CAMKK2: variants seen among roughly 807,000 people sequenced by gnomAD.
CAMKK2 encodes calcium/calmodulin dependent protein kinase kinase 2.
In CAMKK2, 30 loss-of-function variants were observed where a neutral mutation model predicts 67.2. The observed-to-expected ratio is 0.45, with a 90% CI of 0.33 to 0.61. The LOEUF (loss-of-function observed/expected upper bound fraction) is 0.61. Ranked by LOEUF, CAMKK2 falls within the 20% of genes least tolerant of loss-of-function variation. CAMKK2 has a pLI of 0.02. For missense variants in CAMKK2, 643 were observed against 802.0 expected (o/e 0.80, Z 2.39); for synonymous variants, 322 against 326.2 (o/e 0.99, Z 0.14).
intron 7 of CAMKK2, 62 bp downstream of exon 7, chr12:121,260,257 C>T: frequency 1.4e-6 from 2 of 1,426,888 alleles, no homozygotes; most frequent in South Asian, 2.5e-5. Context: ...CTCGAGAGGA[C>T]CCCTGGGCAT....
rs1420169657 is a variant in CAMKK2 at position 121,239,681 on chromosome 12, A to C, written c.*1018T>G. 1 of 152,218 alleles carries C rather than the reference A, an allele frequency of 6.6e-6. No homozygotes were observed. The highest frequency in any genetic ancestry group is 1.5e-5 in the Non-Finnish European group (1 of 68,040). The allele number at this position is 152,218 out of a possible 1,614,324, so 9.4% of individuals were successfully genotyped here. A position where few individuals can be genotyped will look rare whatever the true frequency, so the allele number is the denominator to read the frequency against. Reference sequence around the variant, plus strand: ...AACCTTAGCAGTCTTTAGAATATACAGGTTATGAACTAGCTAAGCTGCTAA... The same window carrying C: ...AACCTTAGCAGTCTTTAGAATATACCGGTTATGAACTAGCTAAGCTGCTAA... On this transcript the variant is annotated 3_prime_UTR_variant, in exon 17 of 17. Transcript: ENST00000404169.
chr12:121,250,508 C>T (rs980375460), intron 11 of CAMKK2, among the ~76,000 whole-genome samples: 1 of 152,182 alleles, frequency 6.6e-6, no homozygotes, highest in Non-Finnish European at 1.5e-5. Context: ...TTCTCACCAA[C>T]ATCTACGTGG....
Position 121,268,756 on chromosome 12 carries a change from G to C in CAMKK2, c.574-67C>G, listed in dbSNP as rs1383459956. On this transcript the variant is annotated intron_variant, in intron 4 of 16. Transcript: ENST00000404169. ...TTAAAGCAGGGAGGAAAAGGGGAAGGAGGGCGCAGTCGGGGTTCCTCTACT... is the reference window on the plus strand; with the variant it reads ...TTAAAGCAGGGAGGAAAAGGGGAAGCAGGGCGCAGTCGGGGTTCCTCTACT... 16 of 1,499,066 alleles carry C rather than the reference G, an allele frequency of 1.1e-5. No homozygotes were observed. The East Asian group carries it at 1.6e-4, about 15-fold the overall frequency. The allele number at this position is 1,499,066 out of a possible 1,614,324, so 92.9% of individuals were successfully genotyped here. A position where few individuals can be genotyped will look rare whatever the true frequency, so the allele number is the denominator to read the frequency against.
upstream of CAMKK2, chr12:121,297,317 C>A (rs1275047875): frequency 3.3e-6 from 1 of 304,948 alleles, no homozygotes; most frequent in Non-Finnish European, 6.6e-6. Flanking sequence ...GCGGCCTGGA[C>A]TTTGGGCCAC....
rs1484435664 is a variant in CAMKK2 at position 121,245,697 on chromosome 12, C to T, written c.1453-457G>A. 6.6e-6 allele frequency among the ~76,000 whole-genome samples: 1 copy of T among 152,212 alleles called. No individual in the cohort carries two copies. Among genetic ancestry groups the T allele is most frequent in the Non-Finnish European group, 1.5e-5 (1 of 68,026 alleles). On this transcript the variant is annotated intron_variant, in intron 14 of 16. Transcript: ENST00000404169. The surrounding 1 kb of genome is among the most constrained non-coding windows in gnomAD (Gnocchi z 5.8). ...CCATGAAGGGAATGGCCTGAGGGCC[C>T]CATAAGAGTCACTGGGCCCCTCACC...
intron 1 of CAMKK2, among the ~76,000 whole-genome samples, chr12:121,275,616 T>C (rs1896656650): frequency 6.6e-6 from 1 of 151,890 alleles, no homozygotes. Context: ...ATTCTATTTA[T>C]ATGAAATTTT....
At chr12:121,287,736 G>A (rs982410582) in intron 1 of CAMKK2, among the ~76,000 whole-genome samples, 3 of 152,322 alleles carry the variant, frequency 2.0e-5, no homozygotes, top group East Asian at 1.9e-4. Context: ...TTGGGAGGCC[G>A]AAGCAGGAAG....
chr12:121,244,635 G>T lies in CAMKK2; in HGVS notation c.1554-20C>A, dbSNP rs1889057263. On this transcript the variant is annotated intron_variant, in intron 15 of 16. Coordinates refer to ENST00000404169, the MANE Select transcript of CAMKK2 (RefSeq NM_001270485.2). ...TTTTTGCTGGAATCACCAGAGGGAG[G>T]GAAAAGGGAAGTGAGAAGGGACCCT... 6.4e-7 allele frequency: 1 copy of T among 1,554,462 alleles called. No homozygotes were observed. Among genetic ancestry groups the T allele is most frequent in the Non-Finnish European group, 8.7e-7 (1 of 1,147,832 alleles).
intron 6 of CAMKK2, among the ~76,000 whole-genome samples, chr12:121,262,115 A>G (rs1893570794): frequency 6.6e-6 from 1 of 152,254 alleles, no homozygotes. Context: ...TGAATGCAAA[A>G]GCAGAGATGA....
chr12:121,274,629 G>C, intron 1 of CAMKK2, 44 bp from the exon 2 acceptor site: 1 of 774,126 alleles, frequency 1.3e-6, no homozygotes, highest in South Asian at 1.8e-5. Flanking sequence ...CCTACGGGCA[G>C]GGACAGGAAA....
rs189576337 is a variant in CAMKK2, at chr12:121,278,137, G to A, written c.-59-3552C>T. On this transcript the variant is annotated intron_variant, in intron 1 of 16. Transcript: ENST00000404169. ...TCTCTGTCCCCCATTCCCCCTTACT[G>A]TATCTCAGAAAGAAATCATCAACTC... Among the ~76,000 whole-genome samples, 6 of 152,206 alleles carry A rather than the reference G, an allele frequency of 3.9e-5. No homozygotes were observed. The East Asian group carries it at 9.7e-4, about 24-fold the overall frequency.
intron 11 of CAMKK2, among the ~76,000 whole-genome samples, chr12:121,250,613 C>T (rs1213505898): frequency 1.3e-5 from 2 of 152,026 alleles, no homozygotes; most frequent in African/African-American, 4.8e-5. Flanking sequence ...CCCCCAATGC[C>T]GCCACCGCCC....
intron 9 of CAMKK2, among the ~76,000 whole-genome samples, chr12:121,254,997 A>T (rs1278833155): frequency 6.6e-6 from 1 of 151,176 alleles, no homozygotes; most frequent in Non-Finnish European, 1.5e-5. Flanking sequence ...AGCAGGCAGA[A>T]AAACGTGAAA....
At chr12:121,287,616 TAGTC>T (rs1202433166) in intron 1 of CAMKK2, among the ~76,000 whole-genome samples, 1 of 152,148 alleles carries the variant, frequency 6.6e-6, no homozygotes, top group East Asian at 1.9e-4. Context: ...AGCTATTACT[TAGTC>T]AGTAATGAAA....
intron 1 of CAMKK2, among the ~76,000 whole-genome samples, chr12:121,280,389 G>A (rs901733709): frequency 2.6e-5 from 4 of 152,124 alleles, no homozygotes; most frequent in Non-Finnish European, 5.9e-5. Flanking sequence ...ATCGTCTCAG[G>A]ACCCTGTGAT....
intron 1 of CAMKK2, among the ~76,000 whole-genome samples, chr12:121,289,252 G>GA (rs113246108): frequency 0.011 from 1,545 of 144,328 alleles, 24 homozygotes; most frequent in South Asian, 0.039. Context: ...TTTCATAATT[G>GA]AAAAAAAAAA....
At chr12:121,293,286 G>T (rs886755060) in intron 1 of CAMKK2, among the ~76,000 whole-genome samples, 1 of 151,960 alleles carries the variant, frequency 6.6e-6, no homozygotes, top group Non-Finnish European at 1.5e-5. Flanking sequence ...TCAAAGAAAA[G>T]AAAAGAAACA....
At chr12:121,273,895 T>C (rs571375884) in intron 2 of CAMKK2, among the ~76,000 whole-genome samples, 161 bp downstream of exon 2, 43 of 151,982 alleles carry the variant, frequency 2.8e-4, no homozygotes, top group African/African-American at 9.9e-4. Context: ...TAGGGCCCCT[T>C]TTTGGCCCCA....
At position 121,260,692 on chromosome 12, in the gene CAMKK2, C is replaced by A. The variant is rs541467304; in HGVS notation, c.760-337G>T. The A allele has an allele frequency of 6.3e-5, 32 of 511,882 alleles. No individual in the cohort carries two copies. The African/African-American group carries it at 6.4e-4, about 10-fold the overall frequency. The allele number at this position is 511,882 out of a possible 1,614,324, so 31.7% of individuals were successfully genotyped here. On this transcript the variant is annotated intron_variant, in intron 6 of 16. Transcript: ENST00000404169. ...CTCCGGCTGGGCGCAGTGGCTCATG[C>A]CTGAAATCCCAGCACTTTGGGAGGC...
Sources: allele counts gnomAD v4.1 joint callset (sites outside exome capture counted in the v4.1 genomes callset), GRCh38; gene constraint gnomAD v4.1.1; non-coding constraint Gnocchi (gnomAD v3.1); transcripts MANE v1.5; gene names NCBI Gene and HGNC (gene_info 2026-07-23, HGNC 2026-07-21).